The following BPIFB2 variants were observed in gnomAD, a reference collection of about 807,000 sequenced individuals.
The protein encoded by BPIFB2 is BPI fold-containing family B member 2.
In BPIFB2, 39 loss-of-function variants were observed where a neutral mutation model predicts 50.1. That is an observed-to-expected ratio of 0.78 (90% confidence interval 0.60 to 1.02). BPIFB2 has a LOEUF of 1.02. BPIFB2 is among the 50% of genes least tolerant of loss of function. BPIFB2 has a pLI of 0.00. For synonymous variants in BPIFB2, 280 were observed against 256.3 expected (o/e 1.09, Z -0.88); for missense variants, 574 against 585.8 (o/e 0.98, Z 0.21).
intron 3 of BPIFB2, among the ~76,000 whole-genome samples, chr20:33,011,581 C>G (rs1464339670): frequency 6.6e-6 from 1 of 152,200 alleles, no homozygotes; most frequent in African/African-American, 2.4e-5. Context: ...TCAACAGTCA[C>G]CTTCCACATA....
intron 7 of BPIFB2, 149 bp downstream of exon 7, chr20:33,017,251 A>G (rs966216884): frequency 1.2e-5 from 7 of 588,008 alleles, no homozygotes; most frequent in African/African-American, 1.1e-4. Context: ...AAAACAGTGT[A>G]ATTATTCATG....
At chr20:33,019,198 T>G in intron 10 of BPIFB2, 83 bp downstream of exon 10, 1 of 1,532,730 alleles carries the variant, frequency 6.5e-7, no homozygotes, top group Non-Finnish European at 9.0e-7. Flanking sequence ...CTCTGCTGGC[T>G]CTTATCTGTC....
intron 6 of BPIFB2, among the ~76,000 whole-genome samples, chr20:33,015,901 G>A (rs1978410464): frequency 6.6e-6 from 1 of 152,180 alleles, no homozygotes; most frequent in African/African-American, 2.4e-5. Context: ...TCTGCTCCTG[G>A]TTCCACATCT....
chr20:33,023,503 G>GA lies in BPIFB2; in HGVS notation c.*120_*121insA. ...TTAGTCATCACCAACAAGCTGGACT[G>GA]CTTAGCTGGGCTGTTTTATCTTCCC... On this transcript the variant is annotated 3_prime_UTR_variant, in exon 16 of 16. Transcript: ENST00000170150. The GA allele has an allele frequency of 8.4e-7, 1 of 1,189,720 alleles. No homozygotes were observed. The allele number at this position is 1,189,720 out of a possible 1,614,324, so 73.7% of individuals were successfully genotyped here. A position where few individuals can be genotyped will look rare whatever the true frequency, so the allele number is the denominator to read the frequency against.
At chr20:33,017,177 C>T (rs777246719) in intron 7 of BPIFB2, 75 bp downstream of exon 7, 64 of 1,417,382 alleles carry the variant, frequency 4.5e-5, no homozygotes, top group Non-Finnish European at 6.1e-5. Context: ...TCCAAAGGCT[C>T]CACTCTGGAT....
chr20:33,013,573 A>G (rs1248467947), intron 4 of BPIFB2, among the ~76,000 whole-genome samples: 1 of 152,162 alleles, frequency 6.6e-6, no homozygotes, highest in Admixed American at 6.5e-5. Context: ...TCACAGTGAG[A>G]GGCTCCGGAC....
intron 5 of BPIFB2, 76 bp from the exon 6 acceptor site, chr20:33,015,360 A>G (rs180987641): frequency 7.3e-7 from 1 of 1,367,684 alleles, no homozygotes; most frequent in African/African-American, 1.5e-5. Flanking sequence ...TTCTCTTCCC[A>G]GACGTGCGAC....
At position 33,011,137 on chromosome 20, in the gene BPIFB2, A is replaced by C. The variant is rs1476608272; in HGVS notation, c.203+20A>C. ...CACCAGGTGAGTGCTCCCCTCCTCC[A>C]GAGAAGGTGCTCCTGCCACCAAGTG... On this transcript the variant is annotated intron_variant, in intron 3 of 15. Coordinates refer to ENST00000170150, the MANE Select transcript of BPIFB2 (RefSeq NM_025227.3). 2.5e-6 allele frequency: 4 copies of C among 1,607,812 alleles called. No individual in the cohort carries two copies. In the Admixed American group the frequency reaches 6.7e-5, roughly 27 times the overall value.
chr20:33,011,016 C>A lies in BPIFB2; in HGVS notation c.110-8C>A. The A allele has an allele frequency of 6.2e-7, 1 of 1,613,218 alleles. No individual in the cohort carries two copies. The highest frequency in any genetic ancestry group is 1.1e-5 in the South Asian group (1 of 91,016). ...GCACCCTGACCTCACTCTACCCTGG[C>A]CCCACAGTGTCTGAAATTGGGAAAG... On this transcript the variant is annotated splice_polypyrimidine_tract_variant and splice_region_variant and intron_variant, in intron 2 of 15. Coordinates refer to ENST00000170150, the MANE Select transcript of BPIFB2 (RefSeq NM_025227.3).
rs531903349 is a variant in BPIFB2 at position 33,008,086 on chromosome 20, A to C, written c.-35+326A>C. 1.4e-3 allele frequency among the ~76,000 whole-genome samples: 219 copies of C among 152,146 alleles called. 1 individual carries two copies. Among genetic ancestry groups the C allele is most frequent in the African/African-American group, 5.2e-3 (214 of 41,514 alleles). On this transcript the variant is annotated intron_variant, in intron 1 of 15. Transcript: ENST00000170150. The stretch of plus-strand genomic sequence containing the variant: ...CCAGGAGGGGATGAGGACAGGAGCC[A>C]CCCTGGGTCCTCCCCTGGCTGAATT...
Position 33,023,478 on chromosome 20 carries a change from T to G in BPIFB2, c.*95T>G, listed in dbSNP as rs1978757972. Reference sequence around the variant, plus strand: ...TGGGGAAACTGAGGCAAAACCATACTTAGTCATCACCAACAAGCTGGACTG... The same window carrying G: ...TGGGGAAACTGAGGCAAAACCATACGTAGTCATCACCAACAAGCTGGACTG... On this transcript the variant is annotated 3_prime_UTR_variant, in exon 16 of 16. Coordinates refer to ENST00000170150, the MANE Select transcript of BPIFB2 (RefSeq NM_025227.3). 7 of 1,429,704 alleles carry G rather than the reference T, an allele frequency of 4.9e-6. No individual in the cohort carries two copies. The highest frequency in any genetic ancestry group is 6.9e-6 in the Non-Finnish European group (7 of 1,018,164). 88.6% of individuals were successfully genotyped at this position (1,429,704 alleles called of 1,614,324 possible).
At chr20:33,015,578 A>G (rs1461323481) in intron 6 of BPIFB2, 82 bp downstream of exon 6, 10 of 1,203,948 alleles carry the variant, frequency 8.3e-6, no homozygotes, top group Non-Finnish European at 1.2e-5. Flanking sequence ...GATTTCAGGC[A>G]GGGGGTACTT....
chr20:33,023,609 CT>C lies in BPIFB2; in HGVS notation c.*227del. 1.6e-6 allele frequency: 1 copy of C among 617,728 alleles called. No homozygotes were observed. The highest frequency in any genetic ancestry group is 1.9e-5 in the South Asian group (1 of 53,310). 38.3% of individuals were successfully genotyped at this position (617,728 alleles called of 1,614,324 possible). ...TCCTCCCTCTTCCCTCATCTCCCCC[CT>C]CCTTCCTCTGCCCCACCCCAGCGGG... On this transcript the variant is annotated 3_prime_UTR_variant, in exon 16 of 16. Transcript: ENST00000170150.
chr20:33,016,456 C>A (rs937626623), intron 6 of BPIFB2, among the ~76,000 whole-genome samples: 1 of 152,198 alleles, frequency 6.6e-6, no homozygotes, highest in East Asian at 1.9e-4. Flanking sequence ...TTCCTCTCGA[C>A]CTCGCCCTGC....
chr20:33,019,519 C>A, intron 10 of BPIFB2, 61 bp from the exon 11 acceptor site: 1 of 1,495,340 alleles, frequency 6.7e-7, no homozygotes, highest in Non-Finnish European at 8.9e-7. Flanking sequence ...TGAGGAGTGA[C>A]TGACCAGAGA....
rs759695384 is a variant in BPIFB2 at position 33,019,759 on chromosome 20, G to A, written c.1080+9G>A. ...TCTTCTCCCTGGATGTGGTGAGTGCGGTGGGGCTGGTCGGAAGGCAGGCAA... is the reference window on the plus strand; with the variant it reads ...TCTTCTCCCTGGATGTGGTGAGTGCAGTGGGGCTGGTCGGAAGGCAGGCAA... On this transcript the variant is annotated intron_variant, in intron 11 of 15. Coordinates refer to ENST00000170150, the MANE Select transcript of BPIFB2 (RefSeq NM_025227.3). 62 of 1,579,346 alleles carry A rather than the reference G, an allele frequency of 3.9e-5. No individual in the cohort carries two copies. Among genetic ancestry groups the A allele is most frequent in the Admixed American group, 1.6e-4 (9 of 56,584 alleles).
intron 6 of BPIFB2, 104 bp downstream of exon 6, chr20:33,015,600 A>T (rs1469317147): frequency 4.9e-5 from 3 of 60,660 alleles, no homozygotes; most frequent in Non-Finnish European, 8.0e-5. Flanking sequence ...GCTTGGGATT[A>T]AAAAAAAAAA....
At chr20:33,018,470 C>G in intron 8 of BPIFB2, 120 bp downstream of exon 8, 1 of 1,281,102 alleles carries the variant, frequency 7.8e-7, no homozygotes, top group Non-Finnish European at 1.1e-6. Context: ...GGAATAGTGT[C>G]CCAGCCGGGA....
chr20:33,015,587 T>G, intron 6 of BPIFB2, 91 bp downstream of exon 6: 135 of 1,166,666 alleles, frequency 1.2e-4, no homozygotes, highest in Non-Finnish European at 1.5e-4. Context: ...CAGGGGGTAC[T>G]TTGCTTGGGA....
Sources: allele counts gnomAD v4.1 joint callset (sites outside exome capture counted in the v4.1 genomes callset), GRCh38; gene constraint gnomAD v4.1.1; transcripts MANE v1.5; gene names NCBI Gene and HGNC (gene_info 2026-07-23, HGNC 2026-07-21).